PCGF1: variants seen among roughly 807,000 people sequenced by gnomAD.
PCGF1 encodes polycomb group ring finger 1.
A neutral mutation model predicts 38.8 loss-of-function variants in PCGF1; 10 were observed. The observed-to-expected ratio is 0.26, with a 90% CI of 0.16 to 0.44. The LOEUF (loss-of-function observed/expected upper bound fraction) is 0.44. Among genes scored for constraint, PCGF1 ranks in the 20% least tolerant of loss-of-function variants. The pLI, the probability that PCGF1 is intolerant of heterozygous loss-of-function variation, is 1.00. For missense variants in PCGF1, 230 were observed against 331.5 expected (o/e 0.69, Z 2.38); for synonymous variants, 119 against 121.3 (o/e 0.98, Z 0.12).
intron 1 of PCGF1, 141 bp downstream of exon 1, chr2:74,507,435 C>T (rs971048921): frequency 5.1e-5 from 75 of 1,464,902 alleles, no homozygotes; most frequent in Non-Finnish European, 6.1e-5. Flanking sequence ...GTTTGGCAAC[C>T]CGATCGCAAC....
At chr2:74,507,219 T>A in intron 1 of PCGF1, 72 bp from the exon 2 acceptor site, 1 of 1,535,082 alleles carries the variant, frequency 6.5e-7, no homozygotes, top group Admixed American at 1.9e-5. Flanking sequence ...ACCTTGGGGG[T>A]CGCCTCCTTC....
chr2:74,507,347 C>T (rs567939358), intron 1 of PCGF1, 200 bp from the exon 2 acceptor site: 1 of 1,452,744 alleles, frequency 6.9e-7, no homozygotes, highest in South Asian at 1.4e-5. Flanking sequence ...GCTTCCCTCA[C>T]GTGGACTCGC....
intron 3 of PCGF1, 123 bp from the exon 4 acceptor site, chr2:74,506,375 A>G (rs1674635236): frequency 2.2e-6 from 2 of 892,000 alleles, no homozygotes; most frequent in Admixed American, 2.1e-5. Context: ...CAGGAGATTG[A>G]GGCCATCCTG....
chr2:74,507,065 G>T lies in PCGF1; in HGVS notation c.176C>A (p.Thr59Asn). 6.2e-7 allele frequency: 1 copy of T among 1,614,128 alleles called. No individual in the cohort carries two copies. Among genetic ancestry groups the T allele is most frequent in the Non-Finnish European group, 8.5e-7 (1 of 1,179,944 alleles). The change falls in exon 2 of 9, where the codon ACC (threonine) becomes AAC (asparagine). Residue 59 changes from threonine to asparagine, a missense_variant. Transcript: ENST00000233630. ...LCAGYFVDAT[T>N]ITECLHTFCK... ...ACAAGTATGAAGACACTCTGTGATG[G>T]TGGTGGCATCCACGAAGTAGCCGGC... is the stretch of plus-strand genomic sequence containing the variant.
In PCGF1 at chr2:74,507,468, T is replaced by C. The variant is rs148319271; in HGVS notation, c.93+108A>G. 131 of 1,501,720 alleles carry C rather than the reference T, an allele frequency of 8.7e-5. 1 individual carries two copies. The African/African-American group carries it at 1.6e-3, about 18-fold the overall frequency. The allele number at this position is 1,501,720 out of a possible 1,614,324, so 93.0% of individuals were successfully genotyped here. On this transcript the variant is annotated intron_variant, in intron 1 of 8. Transcript: ENST00000233630. ...AACCACGCAGGCGCACTGGGCACTC[T>C]GTCTCTGCGCAGGCGCACTGGGCGC...
intron 1 of PCGF1, 151 bp downstream of exon 1, chr2:74,507,425 G>C (rs1674666492): frequency 1.4e-6 from 2 of 1,463,454 alleles, no homozygotes; most frequent in Non-Finnish European, 1.8e-6. Flanking sequence ...CCTAACCGGA[G>C]TTTGGCAACC....
At chr2:74,506,916 C>G (rs1374975482) in intron 2 of PCGF1, 32 bp from the exon 3 acceptor site, 1 of 1,613,672 alleles carries the variant, frequency 6.2e-7, no homozygotes, top group Non-Finnish European at 8.5e-7. Context: ...TTCTCAGGCC[C>G]TCTGGAAACT....
Position 74,505,782 on chromosome 2 carries a change from T to A in PCGF1, c.531-12A>T, listed in dbSNP as rs774298527. 1.2e-5 allele frequency: 20 copies of A among 1,613,988 alleles called. No homozygotes were observed. The highest frequency in any genetic ancestry group is 1.5e-5 in the Non-Finnish European group (18 of 1,179,952). ...TGTCTTTGCCAGAACTGGGGGGAAA[T>A]AGACACAGGTTAGGGAATCCTATCT... On this transcript the variant is annotated splice_polypyrimidine_tract_variant and intron_variant, in intron 5 of 8. Transcript: ENST00000233630.
chr2:74,505,160 T>C lies in PCGF1; in HGVS notation c.763A>G (p.Lys255Glu). The change falls in exon 9 of 9, where the codon AAA (lysine) becomes GAA (glutamate). Residue 255 changes from lysine to glutamate, a missense_variant. Lys to Glu is a moderately conservative substitution (Grantham distance 56). Around this residue, in one of 3 missense-constraint regions of PCGF1, gnomAD observed 144 missense variants for 182.4 expected, o/e 0.79. Transcript: ENST00000233630. ...PSPLLLQYSV[K>E]EKRR ...CTTGGCCCCTACCTCCTCTTCTCTT[T>C]CACACTGTATTGTAAAAGCAAAGGG... The C allele has an allele frequency of 6.5e-7, 1 of 1,527,746 alleles. No homozygotes were observed. Among genetic ancestry groups the C allele is most frequent in the Non-Finnish European group, 8.8e-7 (1 of 1,137,702 alleles). 94.6% of individuals were successfully genotyped at this position (1,527,746 alleles called of 1,614,324 possible). A position where few individuals can be genotyped will look rare whatever the true frequency, so the allele number is the denominator to read the frequency against.
chr2:74,505,315 C>A (rs778855568), intron 8 of PCGF1, 24 bp downstream of exon 8: 4 of 1,597,312 alleles, frequency 2.5e-6, no homozygotes. Context: ...GGGGTGTGAT[C>A]CCAGGGAGGG....
Position 74,506,932 on chromosome 2 carries a change from C to A in PCGF1, c.200-48G>T, listed in dbSNP as rs758685977. The A allele has an allele frequency of 3.1e-6, 5 of 1,612,904 alleles. No homozygotes were observed. The East Asian group carries it at 1.1e-4, about 36-fold the overall frequency. On this transcript the variant is annotated intron_variant, in intron 2 of 8. Coordinates refer to ENST00000233630, the MANE Select transcript of PCGF1 (RefSeq NM_032673.3). ...TCTCAGGCCCTCTGGAAACTGGATT[C>A]ATGGGCTGGGTGGGGTGCCTGGATG...
In PCGF1 at chr2:74,506,164, C is replaced by T. The variant is rs41285989; in HGVS notation, c.424+17G>A. ...GAATGCTCTGGGGTCTTTACTGTCC[C>T]GCGGCCAAGGACATACCTTCCCCAG... On this transcript the variant is annotated intron_variant, in intron 4 of 8. Coordinates refer to ENST00000233630, the MANE Select transcript of PCGF1 (RefSeq NM_032673.3). The T allele has an allele frequency of 4.7e-4, 754 of 1,614,012 alleles. 1 individual carries two copies. The highest frequency in any genetic ancestry group is 5.6e-4 in the South Asian group (51 of 91,082).
intron 6 of PCGF1, 29 bp from the exon 7 acceptor site, chr2:74,505,667 C>T: frequency 5.0e-6 from 8 of 1,614,014 alleles, no homozygotes; most frequent in Non-Finnish European, 6.8e-6. Context: ...GGGAAGAGGG[C>T]AAGGTGTGTG....
intron 4 of PCGF1, 37 bp downstream of exon 4, chr2:74,506,144 C>T (rs368548736): frequency 1.2e-6 from 2 of 1,613,316 alleles, no homozygotes; most frequent in Admixed American, 1.7e-5. Flanking sequence ...AAGAAGAATG[C>T]TCTGGGGTCT....
At position 74,505,114 on chromosome 2, in the gene PCGF1, G is replaced by A. The variant is rs1674594364; in HGVS notation, c.*29C>T. 1 of 1,462,584 alleles carries A rather than the reference G, an allele frequency of 6.8e-7. No individual in the cohort carries two copies. The highest frequency in any genetic ancestry group is 1.4e-5 in the African/African-American group (1 of 70,830). 90.6% of individuals were successfully genotyped at this position (1,462,584 alleles called of 1,614,324 possible). A position where few individuals can be genotyped will look rare whatever the true frequency, so the allele number is the denominator to read the frequency against. Reference sequence around the variant, plus strand: ...TCACATAAATATCTGGGGAGGGAAGGGGAGTGGGATGGGGTGGGGGCTTGG... The same window carrying A: ...TCACATAAATATCTGGGGAGGGAAGAGGAGTGGGATGGGGTGGGGGCTTGG... On this transcript the variant is annotated 3_prime_UTR_variant, in exon 9 of 9. Transcript: ENST00000233630.
chr2:74,507,554 A>G, intron 1 of PCGF1, 22 bp downstream of exon 1: 1 of 1,569,930 alleles, frequency 6.4e-7, no homozygotes, highest in South Asian at 1.2e-5. Flanking sequence ...CGACCACAGC[A>G]GTAACCCTGC....
chr2:74,506,037 C>T lies in PCGF1; in HGVS notation c.445G>A (p.Gly149Ser), dbSNP rs574404816. The T allele has an allele frequency of 5.6e-6, 9 of 1,614,124 alleles. No individual in the cohort carries two copies. The highest frequency in any genetic ancestry group is 4.0e-5 in the African/African-American group (3 of 75,028). The change falls in exon 5 of 9, where the codon GGC (glycine) becomes AGC (serine). Residue 149 changes from glycine (G) to serine (S), a missense_variant. Transcript: ENST00000233630. ...TGEEPALSNL[G>S]LPFSSFDHSK... The stretch of plus-strand genomic sequence containing the variant: ...TGGTCAAAGCTGCTGAAGGGGAGGC[C>T]GAGGTTGCTCAGTGCTGGCTCTGAG...
chr2:74,507,352 A>C, intron 1 of PCGF1: 1 of 1,452,070 alleles, frequency 6.9e-7, no homozygotes, highest in African/African-American at 1.4e-5. Flanking sequence ...CCTCACGTGG[A>C]CTCGCCTGAC....
Position 74,507,023 on chromosome 2 carries a change from C to A in PCGF1, c.199+19G>T. 6.2e-7 allele frequency: 1 copy of A among 1,609,988 alleles called. No individual in the cohort carries two copies. The highest frequency in any genetic ancestry group is 1.1e-5 in the South Asian group (1 of 90,966). On this transcript the variant is annotated intron_variant, in intron 2 of 8. Transcript: ENST00000233630. Reference sequence around the variant, plus strand: ...AAGACTAGGGACTGGAAGAACTAGGCAGTCTCCAAGGCACTCACAAGTATG... The same window carrying A: ...AAGACTAGGGACTGGAAGAACTAGGAAGTCTCCAAGGCACTCACAAGTATG...
Sources: allele counts gnomAD v4.1 joint callset, GRCh38; gene constraint gnomAD v4.1.1; regional missense constraint gnomAD v4.1.1; transcripts MANE v1.5; gene names NCBI Gene and HGNC (gene_info 2026-07-23, HGNC 2026-07-21).